Variants in ELAPOR2 observed in about 807,000 individuals in gnomAD.
ELAPOR2 encodes the protein endosome/lysosome-associated apoptosis and autophagy regulator family member 2.
A neutral mutation model predicts 120.7 loss-of-function variants in ELAPOR2; 89 were observed. The observed-to-expected ratio is 0.74, with a 90% confidence interval of 0.62 to 0.88. ELAPOR2 has a LOEUF of 0.88. Among genes scored for constraint, ELAPOR2 ranks in the 40% least tolerant of loss-of-function variants. The pLI, the probability that ELAPOR2 is intolerant of heterozygous loss-of-function variation, is 0.00. For missense variants in ELAPOR2, 1,134 were observed against 1,251.6 expected, an observed-to-expected ratio of 0.91 and a Z score of 1.42; for synonymous variants, 444 against 444.9, an observed-to-expected ratio of 1.00 and a Z score of 0.03.
At chr7:87,014,027 C>CTTTTTTTTTTTTT (rs35583728) in intron 1 of ELAPOR2, among the ~76,000 whole-genome samples, 2 of 122,432 alleles carry the variant, frequency 1.6e-5, no homozygotes, top group Non-Finnish European at 3.4e-5. Flanking sequence ...ATGTTTTTCA[C>CTTTTTTTTTTTTT]TTTTTTTTTT....
intron 1 of ELAPOR2, among the ~76,000 whole-genome samples, chr7:87,017,477 G>T (rs565157552): frequency 6.6e-6 from 1 of 152,110 alleles, no homozygotes; most frequent in Non-Finnish European, 1.5e-5. Context: ...TATTAAATGC[G>T]AATGAATGCA....
At chr7:86,980,025 G>C (rs1238613087) in intron 1 of ELAPOR2, among the ~76,000 whole-genome samples, 1 of 152,156 alleles carries the variant, frequency 6.6e-6, no homozygotes, top group East Asian at 1.9e-4. Flanking sequence ...AAGCTTGCTA[G>C]ATATTCCAGG....
At chr7:86,905,136 A>AAAG (rs1788934179) in intron 18 of ELAPOR2, among the ~76,000 whole-genome samples, 4 of 143,384 alleles carry the variant, frequency 2.8e-5, no homozygotes, top group Non-Finnish European at 4.6e-5. Context: ...GGAAAGAAAG[A>AAAG]AAAGAAAAGA....
At chr7:86,982,487 G>T (rs1792540937) in intron 1 of ELAPOR2, among the ~76,000 whole-genome samples, 1 of 152,162 alleles carries the variant, frequency 6.6e-6, no homozygotes, top group South Asian at 2.1e-4. Flanking sequence ...AGCAATATTT[G>T]CTGTTCTGCA....
intron 18 of ELAPOR2, among the ~76,000 whole-genome samples, chr7:86,899,717 G>A (rs547465101): frequency 2.0e-5 from 3 of 152,206 alleles, no homozygotes; most frequent in East Asian, 1.9e-4. Context: ...CAGAGGTGGT[G>A]GGATGTGAAT....
At chr7:86,935,214 GA>G (rs1440839269) in intron 8 of ELAPOR2, among the ~76,000 whole-genome samples, 4 of 152,044 alleles carry the variant, frequency 2.6e-5, no homozygotes, top group Admixed American at 2.6e-4. Context: ...ATGGCCCTAT[GA>G]AACCATGCCT....
intron 8 of ELAPOR2, 53 bp from the exon 9 acceptor site, chr7:86,926,969 A>G: frequency 7.1e-7 from 1 of 1,415,870 alleles, no homozygotes; most frequent in Non-Finnish European, 9.2e-7. Context: ...CATGCTTATA[A>G]CAAAAATCTT....
chr7:87,001,009 C>G (rs1382015477), intron 1 of ELAPOR2, among the ~76,000 whole-genome samples: 2 of 152,082 alleles, frequency 1.3e-5, no homozygotes, highest in East Asian at 1.9e-4. Context: ...TAAATAAGAT[C>G]ATGTGTATCA....
intron 3 of ELAPOR2, 92 bp from the exon 4 acceptor site, chr7:86,945,138 C>T (rs1790948606): frequency 1.6e-6 from 2 of 1,212,300 alleles, no homozygotes; most frequent in South Asian, 1.5e-5. Flanking sequence ...CGAGTAGTTC[C>T]ATCAGCAAAG....
chr7:86,899,899 G>A (rs1457907440), intron 18 of ELAPOR2, among the ~76,000 whole-genome samples: 1 of 151,640 alleles, frequency 6.6e-6, no homozygotes, highest in African/African-American at 2.4e-5. Context: ...AACAAAGATA[G>A]GTGGTTTTTT....
At chr7:86,920,939 T>C (rs1463029882) in intron 10 of ELAPOR2, 3 of 152,216 alleles carry the variant, frequency 2.0e-5, no homozygotes, top group Non-Finnish European at 4.4e-5. Context: ...CAGTAGAACA[T>C]TCCTTGTCTT....
At chr7:86,937,663 C>T (rs1422260475) in intron 8 of ELAPOR2, among the ~76,000 whole-genome samples, 1 of 151,988 alleles carries the variant, frequency 6.6e-6, no homozygotes, top group Non-Finnish European at 1.5e-5. Flanking sequence ...TACTGAGTAA[C>T]CAAATAATTA....
At chr7:86,908,016 T>C (rs1229357500) in intron 17 of ELAPOR2, among the ~76,000 whole-genome samples, 1 of 151,876 alleles carries the variant, frequency 6.6e-6, no homozygotes, top group African/African-American at 2.4e-5. Context: ...ATAATTTTAA[T>C]AAAAATTATA....
intron 1 of ELAPOR2, among the ~76,000 whole-genome samples, chr7:87,016,555 C>T (rs1793872435): frequency 1.3e-5 from 2 of 151,334 alleles, no homozygotes; most frequent in Non-Finnish European, 2.9e-5. Context: ...GAGCAATGCC[C>T]CAAAAATTTA....
chr7:87,048,063 G>C (rs1181618230), intron 1 of ELAPOR2, among the ~76,000 whole-genome samples: 1 of 152,108 alleles, frequency 6.6e-6, no homozygotes, highest in Non-Finnish European at 1.5e-5. Flanking sequence ...GGCCAACGGG[G>C]TGAAACCCAA....
chr7:87,001,515 A>G (rs1366004725), intron 1 of ELAPOR2, among the ~76,000 whole-genome samples: 1 of 152,158 alleles, frequency 6.6e-6, no homozygotes. Flanking sequence ...ATAGTGAGGG[A>G]GTCAGCCAAA....
intron 15 of ELAPOR2, among the ~76,000 whole-genome samples, chr7:86,911,375 G>T (rs1177144444): frequency 6.6e-6 from 1 of 152,016 alleles, no homozygotes; most frequent in Non-Finnish European, 1.5e-5. Context: ...TCAAAGCTTT[G>T]CACAGTATCT....
intron 1 of ELAPOR2, among the ~76,000 whole-genome samples, chr7:87,000,665 C>T (rs1793288365): frequency 6.6e-6 from 1 of 152,200 alleles, no homozygotes; most frequent in Admixed American, 6.5e-5. Flanking sequence ...CTTCACATCA[C>T]AAGCTTCAGT....
intron 2 of ELAPOR2, among the ~76,000 whole-genome samples, chr7:86,952,075 A>G (rs12111888): frequency 0.094 from 14,389 of 152,280 alleles, 767 homozygotes; most frequent in African/African-American, 0.13. Flanking sequence ...GAAAAGCAGT[A>G]AGAAGTCAAA....
Sources: allele counts gnomAD v4.1 joint callset (sites outside exome capture counted in the v4.1 genomes callset), GRCh38; gene constraint gnomAD v4.1.1; transcripts MANE v1.5; gene names NCBI Gene and HGNC (gene_info 2026-07-23, HGNC 2026-07-21).